PALLD: variants seen among roughly 807,000 people sequenced by gnomAD.
PALLD encodes the protein palladin, cytoskeletal associated protein, also known as palladin.
PALLD carries 61 observed loss-of-function variants against 123.5 expected under a neutral mutation model. The ratio of observed to expected loss-of-function variants is 0.49; its 90% CI spans 0.40 to 0.61. The LOEUF (loss-of-function observed/expected upper bound fraction) is 0.61. PALLD is among the 20% of genes least tolerant of loss of function. The pLI is 0.00. For missense variants in PALLD, 1,273 were observed against 1,377.0 expected (o/e 0.92, Z 1.20); for synonymous variants, 465 against 496.4 (o/e 0.94, Z 0.84).
At chr4:168,558,681 C>A (rs1304392671) in intron 2 of PALLD, among the ~76,000 whole-genome samples, 2 of 152,072 alleles carry the variant, frequency 1.3e-5, no homozygotes, top group Admixed American at 1.3e-4. Context: ...ACGTGGGTAC[C>A]CATTATCCAC....
At chr4:168,876,008 C>A (rs1488788260) in intron 10 of PALLD, among the ~76,000 whole-genome samples, 1 of 152,322 alleles carries the variant, frequency 6.6e-6, no homozygotes, top group East Asian at 1.9e-4. Flanking sequence ...TGGCTTTGGC[C>A]ATTGTGAGCC....
At chr4:168,581,799 C>T (rs1443129838) in intron 2 of PALLD, among the ~76,000 whole-genome samples, 2 of 149,718 alleles carry the variant, frequency 1.3e-5, no homozygotes, top group East Asian at 3.9e-4. Flanking sequence ...ACTTTTGTTG[C>T]CTATGTTTTT....
chr4:168,859,894 A>C (rs926786364), intron 10 of PALLD, among the ~76,000 whole-genome samples: 3 of 152,262 alleles, frequency 2.0e-5, no homozygotes, highest in African/African-American at 7.2e-5. Flanking sequence ...TATATTCAAA[A>C]TATTATTTTA....
At chr4:168,676,209 A>G (rs1263069819) in intron 3 of PALLD, among the ~76,000 whole-genome samples, 1 of 151,862 alleles carries the variant, frequency 6.6e-6, no homozygotes, top group Non-Finnish European at 1.5e-5. Context: ...CTATTCTGTC[A>G]CAGACATCTA....
At chr4:168,801,236 T>C (rs996581893) in intron 10 of PALLD, among the ~76,000 whole-genome samples, 6 of 152,314 alleles carry the variant, frequency 3.9e-5, no homozygotes, top group Admixed American at 3.9e-4. Context: ...GGTTACAATC[T>C]GGGTGTTTGC....
intron 10 of PALLD, among the ~76,000 whole-genome samples, chr4:168,871,701 G>A (rs1037617589): frequency 3.9e-5 from 6 of 152,206 alleles, no homozygotes; most frequent in Admixed American, 3.9e-4. Flanking sequence ...CTGTGATGCA[G>A]AGTCAACTCT....
At chr4:168,540,811 A>AC (rs573250362) in intron 2 of PALLD, among the ~76,000 whole-genome samples, 3,300 of 151,686 alleles carry the variant, frequency 0.022, 124 homozygotes, top group African/African-American at 0.075. Context: ...GGGAAGAAAA[A>AC]AAAAAAAAAG....
chr4:168,698,371 A>C (rs1783355059), intron 8 of PALLD, among the ~76,000 whole-genome samples: 1 of 151,800 alleles, frequency 6.6e-6, no homozygotes, highest in Non-Finnish European at 1.5e-5. Context: ...GGATTGTTTA[A>C]TTGGAGTATA....
At position 168,843,793 on chromosome 4, in the gene PALLD, C is replaced by T. The variant is rs58497404; in HGVS notation, c.1965-47129C>T. ...CAGCCAAGGATGGCAAGCCCATGCCCGAAAAACTGGCAGCAGCTCACCCAT... is the reference window on the plus strand; with the variant it reads ...CAGCCAAGGATGGCAAGCCCATGCCTGAAAAACTGGCAGCAGCTCACCCAT... On this transcript the variant is annotated intron_variant, in intron 10 of 21. Coordinates refer to ENST00000505667, the MANE Select transcript of PALLD (RefSeq NM_001166108.2). Among the ~76,000 whole-genome samples, 415 of 152,192 alleles carry T rather than the reference C, an allele frequency of 2.7e-3. 2 individuals are homozygous for T. The highest frequency in any genetic ancestry group is 9.5e-3 in the African/African-American group (393 of 41,496).
intron 2 of PALLD, among the ~76,000 whole-genome samples, chr4:168,523,964 T>C (rs535833019): frequency 1.3e-5 from 2 of 152,324 alleles, no homozygotes; most frequent in Admixed American, 6.5e-5. Context: ...ATAGATATAA[T>C]AATATTAATA....
chr4:168,804,877 G>A (rs191428297), intron 10 of PALLD, among the ~76,000 whole-genome samples: 1 of 152,030 alleles, frequency 6.6e-6, no homozygotes, highest in Non-Finnish European at 1.5e-5. Flanking sequence ...TTCCCAAAGC[G>A]AGGCCGGGTG....
intron 2 of PALLD, among the ~76,000 whole-genome samples, chr4:168,578,887 C>T (rs1370545088): frequency 6.6e-6 from 1 of 152,026 alleles, no homozygotes; most frequent in African/African-American, 2.4e-5. Context: ...AAAAAGAGAA[C>T]ACTGTTTGAG....
At chr4:168,629,696 C>A (rs1337559148) in intron 2 of PALLD, among the ~76,000 whole-genome samples, 2 of 152,088 alleles carry the variant, frequency 1.3e-5, no homozygotes, top group Non-Finnish European at 2.9e-5. Context: ...CTCTCCTGAC[C>A]CCAAAACGCC....
intron 3 of PALLD, among the ~76,000 whole-genome samples, chr4:168,679,254 T>G (rs1580919910): frequency 5.9e-5 from 4 of 68,160 alleles, no homozygotes; most frequent in Admixed American, 2.1e-4. Context: ...GTGTGTGTGG[T>G]GTGTGGTGGG....
chr4:168,894,837 A>T (rs1754770952), intron 12 of PALLD, 160 bp downstream of exon 12: 2 of 1,144,384 alleles, frequency 1.7e-6, no homozygotes, highest in Non-Finnish European at 2.5e-6. Context: ...GCTAATTTTT[A>T]TTGAGCACAT....
At chr4:168,548,704 A>G (rs1011896644) in intron 2 of PALLD, among the ~76,000 whole-genome samples, 2 of 152,246 alleles carry the variant, frequency 1.3e-5, no homozygotes, top group African/African-American at 4.8e-5. Flanking sequence ...ATCCTATGAT[A>G]TAATAAAGGA....
chr4:168,887,348 G>A (rs1753515709), intron 10 of PALLD, among the ~76,000 whole-genome samples: 1 of 152,092 alleles, frequency 6.6e-6, no homozygotes, highest in South Asian at 2.1e-4. Flanking sequence ...TGAATAGACA[G>A]GTATTTTCTT....
intron 10 of PALLD, among the ~76,000 whole-genome samples, chr4:168,712,703 A>C (rs1358669328): frequency 6.6e-6 from 1 of 152,198 alleles, no homozygotes; most frequent in Non-Finnish European, 1.5e-5. Flanking sequence ...GTGGAAATGT[A>C]AGAGTCATAG....
intron 2 of PALLD, among the ~76,000 whole-genome samples, chr4:168,643,129 CT>C (rs749589029): frequency 9.2e-5 from 14 of 152,144 alleles, no homozygotes; most frequent in Non-Finnish European, 1.6e-4. Context: ...TGTTGGATGA[CT>C]TGTTAAAGGA....
Sources: allele counts gnomAD v4.1 joint callset (sites outside exome capture counted in the v4.1 genomes callset), GRCh38; gene constraint gnomAD v4.1.1; transcripts MANE v1.5; gene names NCBI Gene and HGNC (gene_info 2026-07-23, HGNC 2026-07-21).